NDUFAF2: variants seen among roughly 807,000 people sequenced by gnomAD.
The protein encoded by NDUFAF2 is NADH:ubiquinone oxidoreductase complex assembly factor 2, also known as NADH dehydrogenase [ubiquinone] 1 alpha subcomplex assembly factor 2.
A neutral mutation model predicts 22.8 loss-of-function variants in NDUFAF2; 13 were observed. That is an observed-to-expected ratio of 0.57 (90% CI 0.37 to 0.91). NDUFAF2 has a LOEUF of 0.91. Ranked by LOEUF, NDUFAF2 falls within the 40% of genes least tolerant of loss-of-function variation. NDUFAF2 has a pLI of 0.01. For missense variants in NDUFAF2, 162 were observed against 195.2 expected (o/e 0.83, Z 1.01); for synonymous variants, 53 against 64.2 (o/e 0.83, Z 0.84).
At chr5:61,022,709 A>G (rs1001387695) in intron 1 of NDUFAF2, among the ~76,000 whole-genome samples, 1 of 152,130 alleles carries the variant, frequency 6.6e-6, no homozygotes, top group Non-Finnish European at 1.5e-5. Context: ...TAGTGGCGTG[A>G]TCTCAGCTCA....
intron 1 of NDUFAF2, among the ~76,000 whole-genome samples, chr5:61,034,870 G>A (rs1751775937): frequency 6.6e-6 from 1 of 151,362 alleles, no homozygotes; most frequent in Middle Eastern, 3.2e-3. Flanking sequence ...GTGAATTCAT[G>A]TATGTGTACA....
chr5:61,017,614 A>G (rs921571109), intron 1 of NDUFAF2, among the ~76,000 whole-genome samples: 5 of 152,198 alleles, frequency 3.3e-5, no homozygotes, highest in African/African-American at 9.6e-5. Flanking sequence ...TAAAAATTGA[A>G]GTAGCTGGGC....
At chr5:60,948,164 A>G (rs536024530) in intron 1 of NDUFAF2, among the ~76,000 whole-genome samples, 20 of 152,242 alleles carry the variant, frequency 1.3e-4, no homozygotes, top group African/African-American at 4.6e-4. Flanking sequence ...ATAGGCACTC[A>G]TCTGATTTCT....
At chr5:61,032,787 T>C (rs546885412) in intron 1 of NDUFAF2, among the ~76,000 whole-genome samples, 1 of 152,322 alleles carries the variant, frequency 6.6e-6, no homozygotes, top group Non-Finnish European at 1.5e-5. Context: ...TTGATGGGGA[T>C]AGCATTGAAT....
chr5:61,077,594 A>T (rs1484229322), intron 2 of NDUFAF2, among the ~76,000 whole-genome samples: 1 of 152,176 alleles, frequency 6.6e-6, no homozygotes, highest in Non-Finnish European at 1.5e-5. Flanking sequence ...TTGGAGAGGA[A>T]AATGGAGTCA....
intron 3 of NDUFAF2, among the ~76,000 whole-genome samples, chr5:61,113,962 C>T (rs1476457575): frequency 6.6e-6 from 1 of 152,076 alleles, no homozygotes; most frequent in Non-Finnish European, 1.5e-5. Flanking sequence ...CTTTCTTTAT[C>T]CTTAACCTTT....
chr5:61,031,386 A>T lies in NDUFAF2; in HGVS notation c.128-41739A>T, dbSNP rs572937814. Among the ~76,000 whole-genome samples, 27 of 152,068 alleles carry T rather than the reference A, an allele frequency of 1.8e-4. No homozygotes were observed. The South Asian group carries it at 4.2e-3, about 23-fold the overall frequency. ...TGTTCTCATTGTTCACCTCTCACTTATGAGTGAGAATATGTGGTGTTTGGT... is the reference window on the plus strand; with the variant it reads ...TGTTCTCATTGTTCACCTCTCACTTTTGAGTGAGAATATGTGGTGTTTGGT... On this transcript the variant is annotated intron_variant, in intron 1 of 3. Transcript: ENST00000296597.
At chr5:61,038,126 G>T (rs1258274519) in intron 1 of NDUFAF2, among the ~76,000 whole-genome samples, 1 of 151,080 alleles carries the variant, frequency 6.6e-6, no homozygotes, top group Non-Finnish European at 1.5e-5. Flanking sequence ...GGGAGAGAGA[G>T]AAAGTCAGCA....
chr5:61,000,300 CT>C (rs1279990992), intron 1 of NDUFAF2, among the ~76,000 whole-genome samples: 1 of 152,028 alleles, frequency 6.6e-6, no homozygotes, highest in African/African-American at 2.4e-5. Context: ...AGCAATTCAG[CT>C]TTTCTCTGTC....
rs552463099 is a variant in NDUFAF2 at position 61,006,379 on chromosome 5, G to A, written c.127+60997G>A. 7.9e-5 allele frequency among the ~76,000 whole-genome samples: 12 copies of A among 152,292 alleles called. No individual in the cohort carries two copies. In the East Asian group the frequency reaches 1.9e-3, roughly 24 times the overall value. On this transcript the variant is annotated intron_variant, in intron 1 of 3. Transcript: ENST00000296597. ...ATAGTTTGAAGTCAGGTAGCGTGAT[G>A]CCTCCAGCTTTGTTCTTTTGGCTTA...
At chr5:60,972,763 TG>T (rs35942427) in intron 1 of NDUFAF2, among the ~76,000 whole-genome samples, 20,345 of 145,124 alleles carry the variant, frequency 0.14, 1,888 homozygotes, top group South Asian at 0.27. Flanking sequence ...TTTACTGATA[TG>T]TGTATTCTGT....
chr5:60,980,609 T>G (rs1364843666), intron 1 of NDUFAF2, among the ~76,000 whole-genome samples: 1 of 152,008 alleles, frequency 6.6e-6, no homozygotes, highest in Admixed American at 6.6e-5. Flanking sequence ...CTGTCTCTAC[T>G]AAAAATACAA....
At chr5:60,976,995 T>C (rs1455973225) in intron 1 of NDUFAF2, among the ~76,000 whole-genome samples, 1 of 152,214 alleles carries the variant, frequency 6.6e-6, no homozygotes, top group African/African-American at 2.4e-5. Context: ...TTTTAATTAA[T>C]AGACTTTATT....
chr5:61,055,272 T>C (rs1350211550), intron 1 of NDUFAF2, among the ~76,000 whole-genome samples: 1 of 152,228 alleles, frequency 6.6e-6, no homozygotes, highest in Non-Finnish European at 1.5e-5. Context: ...TTCAACACAT[T>C]TTAAAATAGA....
At chr5:61,115,639 C>G (rs1278875130) in intron 3 of NDUFAF2, 1 of 151,988 alleles carries the variant, frequency 6.6e-6, no homozygotes, top group Non-Finnish European at 1.5e-5. Flanking sequence ...AATTGGGAGA[C>G]TCTCATTTCA....
chr5:61,151,812 C>T (rs904698329), intron 3 of NDUFAF2, among the ~76,000 whole-genome samples: 3 of 150,302 alleles, frequency 2.0e-5, no homozygotes, highest in Admixed American at 2.0e-4. Context: ...CAAAAAAAAA[C>T]CAAAACAAAC....
chr5:61,034,590 T>G lies in NDUFAF2; in HGVS notation c.128-38535T>G, dbSNP rs115215623. On this transcript the variant is annotated intron_variant, in intron 1 of 3. Transcript: ENST00000296597. ...AAGTATACAAAAATGTCTGTAACCA[T>G]AGCCATAAAGAAATGTGATGGCAGC... 3.3e-3 allele frequency among the ~76,000 whole-genome samples: 500 copies of G among 152,308 alleles called. 2 individuals are homozygous for G. The highest frequency in any genetic ancestry group is 5.4e-3 in the Admixed American group (82 of 15,294).
chr5:61,117,936 T>A (rs999027091), intron 3 of NDUFAF2, among the ~76,000 whole-genome samples: 1 of 152,186 alleles, frequency 6.6e-6, no homozygotes, highest in Non-Finnish European at 1.5e-5. Context: ...ATCCTGGTAA[T>A]GATCAATGGT....
chr5:61,107,247 G>A (rs1021646833), intron 3 of NDUFAF2, among the ~76,000 whole-genome samples: 5 of 151,232 alleles, frequency 3.3e-5, no homozygotes, highest in African/African-American at 4.9e-5. Flanking sequence ...ACCAGCATTT[G>A]TTATTGCCCA....
Sources: allele counts gnomAD v4.1 joint callset (sites outside exome capture counted in the v4.1 genomes callset), GRCh38; gene constraint gnomAD v4.1.1; transcripts MANE v1.5; gene names NCBI Gene and HGNC (gene_info 2026-07-23, HGNC 2026-07-21).